RPN1: variants seen among roughly 807,000 people sequenced by gnomAD.
RPN1 encodes ribophorin I.
A neutral mutation model predicts 55.5 loss-of-function variants in RPN1; 12 were observed. The observed-to-expected ratio is 0.22, with a 90% CI of 0.14 to 0.35. RPN1 has a LOEUF of 0.35. Ranked by LOEUF, RPN1 falls within the 10% of genes least tolerant of loss-of-function variation. The pLI is 1.00. For synonymous variants in RPN1, 317 were observed against 305.9 expected (o/e 1.04, Z -0.38); for missense variants, 679 against 761.3 (o/e 0.89, Z 1.27).
At chr3:128,641,209 T>C (rs566536848) in intron 2 of RPN1, 2 of 152,238 alleles carry the variant, frequency 1.3e-5, no homozygotes, top group South Asian at 2.1e-4. Context: ...GAACCCCATA[T>C]AGGTCAGTTT....
intron 1 of RPN1, among the ~76,000 whole-genome samples, chr3:128,645,506 G>A (rs1467354645): frequency 6.6e-6 from 1 of 151,610 alleles, no homozygotes. Flanking sequence ...CTATAAATGC[G>A]TAACATTTTC....
rs1381587612 is a variant in RPN1 at position 128,646,927 on chromosome 3, C to T, written c.262-1944G>A. Among the ~76,000 whole-genome samples the T allele has an allele frequency of 4.6e-5, 7 of 151,238 alleles. No homozygotes were observed. The East Asian group carries it at 1.2e-3, about 25-fold the overall frequency. On this transcript the variant is annotated intron_variant, in intron 1 of 9. Coordinates refer to ENST00000296255, the MANE Select transcript of RPN1 (RefSeq NM_002950.4). ...GGCAGAGGTTGCAGTGAGCTGAGAT[C>T]GTGCCACTGCACTCCAGCCTGGGCA...
intron 4 of RPN1, among the ~76,000 whole-genome samples, chr3:128,631,470 C>T (rs1392441899): frequency 6.8e-6 from 1 of 148,078 alleles, no homozygotes; most frequent in Non-Finnish European, 1.5e-5. Flanking sequence ...AAGAGCAAAA[C>T]TCCGTCTCAA....
At chr3:128,648,707 A>T (rs1387853389) in intron 1 of RPN1, among the ~76,000 whole-genome samples, 1 of 152,236 alleles carries the variant, frequency 6.6e-6, no homozygotes, top group East Asian at 1.9e-4. Flanking sequence ...AAAATAGCAC[A>T]TATATCCATT....
At chr3:128,637,718 C>T (rs549665289) in intron 3 of RPN1, 81 bp downstream of exon 3, 1 of 1,452,020 alleles carries the variant, frequency 6.9e-7, no homozygotes, top group East Asian at 2.3e-5. Context: ...CCCCACACCA[C>T]CCAAGCCTAT....
chr3:128,645,587 G>A (rs1293434526), intron 1 of RPN1, among the ~76,000 whole-genome samples: 1 of 152,076 alleles, frequency 6.6e-6, no homozygotes, highest in Non-Finnish European at 1.5e-5. Context: ...GGGAGGCTGA[G>A]GCGGGAGGAT....
chr3:128,624,541 C>T (rs1212583439), intron 8 of RPN1, among the ~76,000 whole-genome samples: 2 of 151,784 alleles, frequency 1.3e-5, no homozygotes, highest in African/African-American at 4.8e-5. Flanking sequence ...CCACACAGTT[C>T]GGCTGGATCA....
chr3:128,633,006 G>A (rs1409264470), intron 3 of RPN1, among the ~76,000 whole-genome samples: 1 of 152,080 alleles, frequency 6.6e-6, no homozygotes, highest in Non-Finnish European at 1.5e-5. Flanking sequence ...GATCTATTTT[G>A]TTAGCTCTTA....
chr3:128,624,970 A>G (rs1337728047), intron 8 of RPN1, among the ~76,000 whole-genome samples: 3 of 152,172 alleles, frequency 2.0e-5, no homozygotes, highest in Non-Finnish European at 4.4e-5. Context: ...TGGGGCATGG[A>G]GCCAAGAGCC....
In RPN1 at chr3:128,622,060, C is replaced by T. The variant is rs560364687; in HGVS notation, c.1641+104G>A. 1.2e-5 allele frequency: 14 copies of T among 1,144,108 alleles called. No homozygotes were observed. The East Asian group carries it at 3.0e-4, about 24-fold the overall frequency. 70.9% of individuals were successfully genotyped at this position (1,144,108 alleles called of 1,614,324 possible). On this transcript the variant is annotated intron_variant, in intron 9 of 9. Transcript: ENST00000296255. ...TATGGCCAGATGCAGTCTTATCCCA[C>T]AAGCATGCAGGTAAGCAAGAGAGCT...
Position 128,650,677 on chromosome 3 carries a change from G to C in RPN1, c.124C>G (p.Leu42Val). 1 of 1,572,608 alleles carries C rather than the reference G, an allele frequency of 6.4e-7. No homozygotes were observed. The highest frequency in any genetic ancestry group is 8.6e-7 in the Non-Finnish European group (1 of 1,158,998). ...GTCACCTTAGCCAGGTGGCTGCTTA[G>C]GTCCACTGTGCGCTTCACGTCCTCA... is the stretch of plus-strand genomic sequence containing the variant. ...INEDVKRTVD[L>V]SSHLAKVTAE... The change falls in exon 1 of 10, where the codon CTA becomes GTA. Residue 42 changes from leucine (L) to valine (V), a missense_variant. Physicochemically the swap from Leu to Val is conservative, Grantham distance 32 (BLOSUM62 1). Coordinates refer to ENST00000296255, the MANE Select transcript of RPN1 (RefSeq NM_002950.4).
At chr3:128,635,878 TTG>T (rs2069678538) in intron 3 of RPN1, among the ~76,000 whole-genome samples, 1 of 151,476 alleles carries the variant, frequency 6.6e-6, no homozygotes, top group Admixed American at 6.6e-5. Context: ...ATGTATAATT[TTG>T]TTACATACAA....
intron 2 of RPN1, among the ~76,000 whole-genome samples, chr3:128,643,861 C>A (rs2069747297): frequency 6.6e-6 from 1 of 151,774 alleles, no homozygotes; most frequent in East Asian, 1.9e-4. Context: ...TACTCGGGAG[C>A]CTGAGGCAAG....
At chr3:128,631,360 C>A (rs1017959149) in intron 4 of RPN1, among the ~76,000 whole-genome samples, 3 of 151,716 alleles carry the variant, frequency 2.0e-5, no homozygotes, top group Non-Finnish European at 4.4e-5. Context: ...TGCCTGTAAT[C>A]CCAGCTACTC....
intron 2 of RPN1, among the ~76,000 whole-genome samples, chr3:128,638,579 A>G (rs2069701286): frequency 6.6e-6 from 1 of 152,140 alleles, no homozygotes; most frequent in African/African-American, 2.4e-5. Flanking sequence ...TCCCAGGTTC[A>G]AGAGATTCTA....
Position 128,650,815 on chromosome 3 carries a change from G to T in RPN1, c.-15C>A, listed in dbSNP as rs1300239726. On this transcript the variant is annotated 5_prime_UTR_variant, in exon 1 of 10. It adds an upstream start codon to the 5' untranslated region. Coordinates refer to ENST00000296255, the MANE Select transcript of RPN1 (RefSeq NM_002950.4). The stretch of plus-strand genomic sequence containing the variant: ...GGCGCCTCCATGACCGGGAAGAGCA[G>T]TGCGCCAGGGCGGGTAGGGCCCGGG... The T allele has an allele frequency of 4.0e-6, 6 of 1,497,902 alleles. No homozygotes were observed. In the East Asian group the frequency reaches 1.5e-4, roughly 37 times the overall value. The allele number at this position is 1,497,902 out of a possible 1,614,324, so 92.8% of individuals were successfully genotyped here.
In RPN1 at chr3:128,625,960, G is replaced by A; in HGVS notation, c.1189C>T (p.His397Tyr). The change falls in exon 7 of 10, where the codon CAC (histidine) becomes TAC (tyrosine). Residue 397 changes from histidine to tyrosine, a missense_variant. This residue lies in a region of RPN1 where 306 missense variants were observed against 360.0 expected (regional missense o/e 0.85). Coordinates refer to ENST00000296255, the MANE Select transcript of RPN1 (RefSeq NM_002950.4). ...CCAAATGTGTCCAGATAGGTGTAGT[G>A]CAGCTCATCTGGGGCACGGCTGATT... is the stretch of plus-strand genomic sequence containing the variant. ...YEISRAPDELHYTYLDTFGRP... is the reference protein window; with the variant it reads ...YEISRAPDELYYTYLDTFGRP... The A allele has an allele frequency of 6.2e-7, 1 of 1,612,652 alleles. No individual in the cohort carries two copies. The highest frequency in any genetic ancestry group is 8.5e-7 in the Non-Finnish European group (1 of 1,179,196).
Position 128,635,667 on chromosome 3 carries a change from ATATC to A in RPN1, c.633+2128_633+2131del, listed in dbSNP as rs1294934292. On this transcript the variant is annotated intron_variant, in intron 3 of 9. Transcript: ENST00000296255. ...TATATATATATATATATATATATAG[ATATC>A]TATAGATATCTATAGATATACACAC... Among the ~76,000 whole-genome samples the A allele has an allele frequency of 5.2e-4, 60 of 115,394 alleles. 2 individuals are homozygous for A. Among genetic ancestry groups the A allele is most frequent in the African/African-American group, 1.0e-3 (29 of 28,310 alleles). The allele number at this position is 115,394 out of a possible 152,430, so 75.7% of individuals were successfully genotyped here.
At chr3:128,634,615 T>C (rs2069663904) in intron 3 of RPN1, among the ~76,000 whole-genome samples, 2 of 148,452 alleles carry the variant, frequency 1.3e-5, no homozygotes, top group South Asian at 4.2e-4. Context: ...CAGATTGGAG[T>C]GCAATGACGC....
Sources: gnomAD v4.1 joint callset for allele counts (sites outside exome capture counted in the v4.1 genomes callset) on GRCh38, gnomAD v4.1.1 for gene constraint, gnomAD v4.1.1 regional missense constraint, MANE v1.5 for transcripts, NCBI Gene and HGNC (gene_info 2026-07-23, HGNC 2026-07-21) for gene names.